The following LINC00305 variants were observed in gnomAD, a reference collection of about 807,000 sequenced individuals.
LINC00305 encodes long independently transcribed non-coding RNA 305.
At chr18:64,115,016 T>C (rs1232492890) in intron 1 of LINC00305, among the ~76,000 whole-genome samples, 3 of 152,204 alleles carry the variant, frequency 2.0e-5, no homozygotes, top group Non-Finnish European at 4.4e-5. Context: ...GCTGGGGTGA[T>C]GCACCCATTT....
chr18:64,103,503 G>A (rs890466474), intron 1 of LINC00305, among the ~76,000 whole-genome samples: 2 of 152,070 alleles, frequency 1.3e-5, no homozygotes, highest in African/African-American at 4.8e-5. Context: ...CACTAAACTG[G>A]GTCTAAAATG....
At chr18:64,134,053 C>T (rs2051421927) in intron 1 of LINC00305, among the ~76,000 whole-genome samples, 1 of 152,056 alleles carries the variant, frequency 6.6e-6, no homozygotes, top group African/African-American at 2.4e-5. Flanking sequence ...ATCGGAGGGG[C>T]TTCAGACAAA....
At chr18:64,119,149 T>C (rs2051350854) in intron 1 of LINC00305, among the ~76,000 whole-genome samples, 1 of 151,992 alleles carries the variant, frequency 6.6e-6, no homozygotes, top group African/African-American at 2.4e-5. Context: ...AGACAATACA[T>C]GTGACTCCAG....
intron 1 of LINC00305, among the ~76,000 whole-genome samples, chr18:64,105,699 T>C (rs1328239157): frequency 6.6e-6 from 1 of 152,192 alleles, no homozygotes; most frequent in Non-Finnish European, 1.5e-5. Context: ...AACATTTGCA[T>C]TAAAATGAAA....
intron 1 of LINC00305, among the ~76,000 whole-genome samples, chr18:64,124,279 A>G (rs1344346386): frequency 2.6e-5 from 4 of 152,104 alleles, no homozygotes; most frequent in African/African-American, 4.8e-5. Context: ...TAATGGCTGA[A>G]TGGCCAGCCT....
At chr18:64,089,794 AAGAG>A (rs1306107922) in intron 3 of LINC00305, among the ~76,000 whole-genome samples, 1 of 152,208 alleles carries the variant, frequency 6.6e-6, no homozygotes, top group African/African-American at 2.4e-5. Context: ...AGCAAGGAAA[AAGAG>A]AGAGCTTGTG....
chr18:64,132,184 A>G (rs2051412707), intron 1 of LINC00305, among the ~76,000 whole-genome samples: 1 of 152,258 alleles, frequency 6.6e-6, no homozygotes, highest in Admixed American at 6.5e-5. Context: ...TATATTTGGT[A>G]GGAATCAATG....
chr18:64,143,850 A>G (rs2051483973), intron 1 of LINC00305, among the ~76,000 whole-genome samples: 1 of 151,896 alleles, frequency 6.6e-6, no homozygotes, highest in Non-Finnish European at 1.5e-5. Context: ...ATGTATACAT[A>G]CATACATACA....
At chr18:64,110,073 T>C (rs1376202530) in intron 1 of LINC00305, among the ~76,000 whole-genome samples, 1 of 152,184 alleles carries the variant, frequency 6.6e-6, no homozygotes, top group Non-Finnish European at 1.5e-5. Context: ...AGCCAAAAGA[T>C]TGGAACCCCT....
At chr18:64,090,728 A>G (rs538384180) in intron 3 of LINC00305, among the ~76,000 whole-genome samples, 1 of 152,172 alleles carries the variant, frequency 6.6e-6, no homozygotes, top group East Asian at 1.9e-4. Flanking sequence ...TTGCTTTTCG[A>G]TGTTATAAGT....
intron 1 of LINC00305, among the ~76,000 whole-genome samples, chr18:64,147,759 G>A (rs924622424): frequency 6.6e-6 from 1 of 152,132 alleles, no homozygotes; most frequent in Non-Finnish European, 1.5e-5. Flanking sequence ...GATAGGTAGA[G>A]GGAGTCTGGG....
chr18:64,137,891 T>A (rs1397955449), intron 1 of LINC00305, among the ~76,000 whole-genome samples: 1 of 151,980 alleles, frequency 6.6e-6, no homozygotes, highest in African/African-American at 2.4e-5. Context: ...CTAGTTTTCC[T>A]TCTATGAACC....
Position 64,081,787 on chromosome 18 carries a change from C to T in LINC00305, n.541-1385G>A, listed in dbSNP as rs971461837. ...GAACAATTTAAAAAAACATCTGGGG[C>T]GACAGCTAGCCCACGTAACGCCCTT... On this transcript the variant is annotated intron_variant and non_coding_transcript_variant, in intron 3 of 3. Transcript: ENST00000666468. Among the ~76,000 whole-genome samples, 10 of 152,198 alleles carry T rather than the reference C, an allele frequency of 6.6e-5. No homozygotes were observed. The East Asian group carries it at 1.5e-3, about 24-fold the overall frequency.
At chr18:64,135,864 C>T (rs765551451) in intron 1 of LINC00305, among the ~76,000 whole-genome samples, 16 of 152,226 alleles carry the variant, frequency 1.1e-4, no homozygotes, top group Non-Finnish European at 1.6e-4. Flanking sequence ...AAGGCATGAG[C>T]CACTGTGCCT....
intron 1 of LINC00305, among the ~76,000 whole-genome samples, chr18:64,145,444 G>A (rs1018286146): frequency 6.6e-5 from 10 of 152,108 alleles, no homozygotes; most frequent in African/African-American, 2.4e-4. Flanking sequence ...ACCAGAAGGC[G>A]GTGACCCCCC....
intron 1 of LINC00305, among the ~76,000 whole-genome samples, chr18:64,136,906 C>CATAAGG (rs1555668837): frequency 1.3e-5 from 2 of 152,106 alleles, no homozygotes; most frequent in East Asian, 3.9e-4. Context: ...TTACGTAAGA[C>CATAAGG]ATGAAGGATA....
intron 1 of LINC00305, among the ~76,000 whole-genome samples, chr18:64,119,306 G>A (rs1373818641): frequency 2.0e-5 from 3 of 152,122 alleles, no homozygotes; most frequent in Non-Finnish European, 4.4e-5. Flanking sequence ...AAAGGCTGAA[G>A]CTGGCTGATT....
chr18:64,104,059 C>T (rs2051279035), intron 1 of LINC00305: 1 of 152,166 alleles, frequency 6.6e-6, no homozygotes, highest in South Asian at 2.1e-4. Flanking sequence ...AGATTCTATC[C>T]TCATAGTGTT....
intron 1 of LINC00305, among the ~76,000 whole-genome samples, chr18:64,103,017 C>G (rs1175081254): frequency 6.6e-6 from 1 of 152,166 alleles, no homozygotes; most frequent in Admixed American, 6.5e-5. Context: ...CGAGCATGCT[C>G]TGTAGTGGAT....
Sources: allele counts gnomAD v4.1 joint callset (sites outside exome capture counted in the v4.1 genomes callset), GRCh38; gene constraint gnomAD v4.1.1; transcripts MANE v1.5; gene names NCBI Gene and HGNC (gene_info 2026-07-23, HGNC 2026-07-21).